Variants in PCSK6 observed in about 807,000 individuals in gnomAD.
PCSK6 encodes the protein paired basic amino acid cleaving enzyme 4.
PCSK6 carries 85 observed loss-of-function variants against 123.3 expected under a neutral mutation model. That is an observed-to-expected ratio of 0.69 (90% CI 0.58 to 0.83). The LOEUF is 0.83. Ranked by LOEUF, PCSK6 falls within the 40% of genes least tolerant of loss-of-function variation. The probability of loss-of-function intolerance (pLI) is 0.00; values close to 1 mark genes in which losing one functional copy is unlikely to be tolerated. For missense variants in PCSK6, 1,191 were observed against 1,282.3 expected, an observed-to-expected ratio of 0.93 and a Z score of 1.09; for synonymous variants, 508 against 516.0, an observed-to-expected ratio of 0.98 and a Z score of 0.21.
intron 3 of PCSK6, 134 bp downstream of exon 3, chr15:101,431,856 T>C (rs1026164228): frequency 6.9e-6 from 5 of 726,008 alleles, no homozygotes; most frequent in African/African-American, 5.3e-5. Context: ...GCGGTAGTGG[T>C]TTTACACCCT....
rs1462214033 is a variant in PCSK6 at position 101,389,559 on chromosome 15, G to A, written c.1215C>T (p.Thr405=). Reference sequence around the variant, plus strand: ...CGGTACAGCGCTGACGCAGATCCGTGGTGACCTGGGGGAGAGAGAAGCACA... The same window carrying A: ...CGGTACAGCGCTGACGCAGATCCGTAGTGACCTGGGGGAGAGAGAAGCACA... The part of the protein sequence containing the change: ...SGAFYERKIV[T]TDLRQRCTDG... The change falls in exon 9 of 22, where the codon ACC becomes ACT. Residue 405 remains threonine (T), a synonymous_variant. Transcript: ENST00000611716. The A allele has an allele frequency of 1.2e-6, 2 of 1,610,606 alleles. No homozygotes were observed. Among genetic ancestry groups the A allele is most frequent in the Non-Finnish European group, 8.5e-7 (1 of 1,177,522 alleles).
chr15:101,454,809 G>A (rs1044298226), intron 1 of PCSK6, among the ~76,000 whole-genome samples: 2 of 152,148 alleles, frequency 1.3e-5, no homozygotes, highest in African/African-American at 4.8e-5. Flanking sequence ...GCCGGGTATG[G>A]TGGCGTGCAC....
chr15:101,463,903 G>A (rs2057395479), intron 1 of PCSK6, among the ~76,000 whole-genome samples: 1 of 152,096 alleles, frequency 6.6e-6, no homozygotes, highest in Admixed American at 6.5e-5. Context: ...CATTCAACTA[G>A]TAATACACAA....
intron 11 of PCSK6, among the ~76,000 whole-genome samples, chr15:101,377,117 C>T (rs78101855): frequency 0.011 from 1,664 of 152,354 alleles, 31 homozygotes; most frequent in African/African-American, 0.037. Flanking sequence ...CTGATCCGCA[C>T]GGCACTCCAC....
chr15:101,405,479 G>A (rs1298905604), intron 6 of PCSK6, among the ~76,000 whole-genome samples: 2 of 152,136 alleles, frequency 1.3e-5, no homozygotes, highest in African/African-American at 2.4e-5. Context: ...GTGTTTGAGG[G>A]AAGAACTCGG....
intron 6 of PCSK6, among the ~76,000 whole-genome samples, chr15:101,425,916 AC>A: frequency 6.6e-6 from 1 of 152,204 alleles, no homozygotes; most frequent in Non-Finnish European, 1.5e-5. Context: ...TACCTGTGAG[AC>A]CCCAGGGAGT....
At chr15:101,347,278 G>A (rs1013660194) in intron 13 of PCSK6, 1 of 1,232,364 alleles carries the variant, frequency 8.1e-7, no homozygotes, top group Admixed American at 4.2e-5. Context: ...TAGAAATGAA[G>A]ATTAGCTCAA....
At chr15:101,341,976 A>G (rs1417475752) in intron 13 of PCSK6, among the ~76,000 whole-genome samples, 1 of 152,056 alleles carries the variant, frequency 6.6e-6, no homozygotes, top group Admixed American at 6.5e-5. Flanking sequence ...CTGAAAATAC[A>G]AAAATTAGCC....
In PCSK6 at chr15:101,432,016, G is replaced by T. The variant is rs201612513; in HGVS notation, c.487C>A (p.Pro163Thr). 2.0e-5 allele frequency: 33 copies of T among 1,613,326 alleles called. No individual in the cohort carries two copies. Among genetic ancestry groups the T allele is most frequent in the Non-Finnish European group, 2.5e-5 (29 of 1,179,692 alleles). ...AGGTACCACATGTTGGACCAAATGG[G>T]GTCGTTGAAGTAAAGGGCCTGCGGG... ...SDPQALYFND[P>T]IWSNMWYLHC... Residue 163 changes from proline to threonine, a missense_variant, in exon 3 of 22, where the codon CCC becomes ACC. Pro to Thr is a conservative substitution (Grantham distance 38). Around this residue, in one of 3 missense-constraint regions of PCSK6, gnomAD observed 357 missense variants for 484.5 expected, o/e 0.74. Transcript: ENST00000611716.
intron 13 of PCSK6, chr15:101,346,815 C>T (rs983723508): frequency 1.1e-5 from 13 of 1,231,290 alleles, no homozygotes; most frequent in Non-Finnish European, 1.3e-5. Context: ...ATGCTTTCTA[C>T]TGGAGATACA....
At chr15:101,458,632 C>T (rs940980935) in intron 1 of PCSK6, among the ~76,000 whole-genome samples, 13 of 152,264 alleles carry the variant, frequency 8.5e-5, no homozygotes, top group African/African-American at 2.4e-4. Flanking sequence ...GCACCCGAAG[C>T]GCGACTGACG....
chr15:101,381,061 T>A (rs2041898383), intron 11 of PCSK6, among the ~76,000 whole-genome samples: 1 of 152,126 alleles, frequency 6.6e-6, no homozygotes, highest in African/African-American at 2.4e-5. Context: ...CTGCTTTTTT[T>A]TTTTTAAATA....
intron 11 of PCSK6, among the ~76,000 whole-genome samples, chr15:101,378,707 C>A (rs2041821998): frequency 6.6e-6 from 1 of 152,242 alleles, no homozygotes; most frequent in Non-Finnish European, 1.5e-5. Flanking sequence ...ATGTTCTCTA[C>A]CCTTCCAGGG....
intron 13 of PCSK6, among the ~76,000 whole-genome samples, chr15:101,354,805 C>T (rs573255161): frequency 6.6e-6 from 1 of 152,330 alleles, no homozygotes; most frequent in South Asian, 2.1e-4. Flanking sequence ...CACTCCTCAC[C>T]CCCACCCTCT....
chr15:101,330,305 C>T (rs73489250), intron 15 of PCSK6, among the ~76,000 whole-genome samples: 2,384 of 152,334 alleles, frequency 0.016, 81 homozygotes, highest in African/African-American at 0.054. Context: ...TCGTCCCCCT[C>T]GCTCACTTCC....
In PCSK6 at chr15:101,489,662, C is replaced by T; in HGVS notation, c.9G>A (p.Pro3=). MP[P]RAPPAPGPRP... is the part of the protein sequence containing the mutation. ...GGGGCCCGGGCGCAGGCGGCGCGCG[C>T]GGAGGCATAGCGGCGACAGGCTCGC... The change falls in exon 1 of 22, where the codon CCG becomes CCA. Residue 3 remains proline (P), a synonymous_variant. Coordinates refer to ENST00000611716, the MANE Select transcript of PCSK6 (RefSeq NM_002570.5). 3 of 976,364 alleles carry T rather than the reference C, an allele frequency of 3.1e-6. No individual in the cohort carries two copies. The highest frequency in any genetic ancestry group is 3.6e-6 in the Non-Finnish European group (3 of 825,358). 60.5% of individuals were successfully genotyped at this position (976,364 alleles called of 1,614,324 possible). A position where few individuals can be genotyped will look rare whatever the true frequency, so the allele number is the denominator to read the frequency against.
intron 6 of PCSK6, among the ~76,000 whole-genome samples, chr15:101,401,872 C>T (rs2042598105): frequency 6.6e-6 from 1 of 151,952 alleles, no homozygotes; most frequent in Non-Finnish European, 1.5e-5. Flanking sequence ...TCAATGCCAT[C>T]CCCATCAAGC....
intron 6 of PCSK6, among the ~76,000 whole-genome samples, chr15:101,421,514 G>C (rs1177711289): frequency 6.6e-6 from 1 of 152,152 alleles, no homozygotes; most frequent in East Asian, 1.9e-4. Flanking sequence ...AAAAGACATT[G>C]CTGGTTTGGT....
intron 10 of PCSK6, 22 bp from the exon 11 acceptor site, chr15:101,382,231 A>C: frequency 6.4e-7 from 1 of 1,553,662 alleles, no homozygotes; most frequent in Non-Finnish European, 8.8e-7. Flanking sequence ...GGCCCTTCAG[A>C]GCCAGGCTCT....
Sources: gnomAD v4.1 joint callset for allele counts (sites outside exome capture counted in the v4.1 genomes callset) on GRCh38, gnomAD v4.1.1 for gene constraint, gnomAD v4.1.1 regional missense constraint, MANE v1.5 for transcripts, NCBI Gene and HGNC (gene_info 2026-07-23, HGNC 2026-07-21) for gene names.